Variants in CNTNAP2 observed in about 807,000 individuals in gnomAD.
The protein encoded by CNTNAP2 is contactin-associated protein-like 2.
CNTNAP2 carries 98 observed loss-of-function variants against 155.2 expected under a neutral mutation model. The observed-to-expected ratio is 0.63, with a 90% confidence interval of 0.54 to 0.75. CNTNAP2 has a LOEUF of 0.75. CNTNAP2 is among the 30% of genes least tolerant of loss of function. The probability of loss-of-function intolerance (pLI) is 0.00; values close to 1 mark genes in which losing one functional copy is unlikely to be tolerated. For synonymous variants in CNTNAP2, 651 were observed against 631.2 expected (o/e 1.03, Z -0.47); for missense variants, 1,727 against 1,688.1 (o/e 1.02, Z -0.40).
rs533206250 is a variant in CNTNAP2 at position 147,736,717 on chromosome 7, G to A, written c.2098+97411G>A. On this transcript the variant is annotated intron_variant, in intron 13 of 23. Transcript: ENST00000361727. ...GCCATATTTCTTGGAGGCTTTGTTC[G>A]TTTCTTTTTATTCTTTTTTCTCTAA... 2.2e-3 allele frequency among the ~76,000 whole-genome samples: 329 copies of A among 152,200 alleles called. 1 individual carries two copies. Among genetic ancestry groups the A allele is most frequent in the South Asian group, 5.4e-3 (26 of 4,828 alleles).
At chr7:147,155,991 A>G (rs1199404432) in intron 8 of CNTNAP2, among the ~76,000 whole-genome samples, 1 of 152,134 alleles carries the variant, frequency 6.6e-6, no homozygotes, top group African/African-American at 2.4e-5. Flanking sequence ...TGCATGGATT[A>G]AAGGACCATT....
chr7:146,968,658 C>G (rs1797712856), intron 3 of CNTNAP2, among the ~76,000 whole-genome samples: 4 of 151,610 alleles, frequency 2.6e-5, no homozygotes, highest in Admixed American at 2.6e-4. Context: ...GTGGTGATAT[C>G]CCCTTTATCA....
chr7:147,127,779 T>TAA (rs1015162919), intron 6 of CNTNAP2, among the ~76,000 whole-genome samples: 1 of 151,714 alleles, frequency 6.6e-6, no homozygotes, highest in African/African-American at 2.4e-5. Context: ...AAGCTGATAG[T>TAA]AAAAAAAATA....
intron 11 of CNTNAP2, among the ~76,000 whole-genome samples, chr7:147,546,420 G>A (rs1028560861): frequency 7.9e-5 from 12 of 152,120 alleles, no homozygotes; most frequent in Non-Finnish European, 1.3e-4. Context: ...TTCATTAAAA[G>A]CTGTTTATCA....
In CNTNAP2 at chr7:146,865,736, C is replaced by CA. The variant is rs1276641704; in HGVS notation, c.402+25838dup. Among the ~76,000 whole-genome samples, 4 of 151,932 alleles carry CA rather than the reference C, an allele frequency of 2.6e-5. No individual in the cohort carries two copies. The East Asian group carries it at 5.8e-4, about 22-fold the overall frequency. On this transcript the variant is annotated intron_variant, in intron 3 of 23. Transcript: ENST00000361727. Reference sequence around the variant, plus strand: ...TGGGATAATCAGCCATTTATTAGGACAAAAAAGTATTAGCCATAAAAATGA... The same window carrying CA: ...TGGGATAATCAGCCATTTATTAGGACAAAAAAAGTATTAGCCATAAAAATGA...
intron 1 of CNTNAP2, among the ~76,000 whole-genome samples, chr7:146,464,206 T>G (rs1486360635): frequency 2.5e-5 from 3 of 119,372 alleles, no homozygotes; most frequent in African/African-American, 1.3e-4. Context: ...TTTTTTTTTT[T>G]GGCTCTCTTT....
chr7:146,527,299 T>C (rs1169352925), intron 1 of CNTNAP2, among the ~76,000 whole-genome samples: 1 of 152,202 alleles, frequency 6.6e-6, no homozygotes, highest in African/African-American at 2.4e-5. Context: ...AGTAGTCACC[T>C]ACTTGTATTC....
At chr7:147,398,688 C>T (rs887737950) in intron 10 of CNTNAP2, among the ~76,000 whole-genome samples, 1 of 132,590 alleles carries the variant, frequency 7.5e-6, no homozygotes, top group Non-Finnish European at 1.5e-5. Context: ...AAGGAAAAAG[C>T]AAGCTTGCCA....
intron 11 of CNTNAP2, among the ~76,000 whole-genome samples, chr7:147,544,839 C>T (rs1799703068): frequency 6.6e-6 from 1 of 152,150 alleles, no homozygotes; most frequent in Non-Finnish European, 1.5e-5. Flanking sequence ...TTGCTTGGCT[C>T]TCATTCTCTC....
intron 1 of CNTNAP2, among the ~76,000 whole-genome samples, chr7:146,240,146 T>C (rs1169957842): frequency 1.3e-5 from 2 of 152,186 alleles, no homozygotes; most frequent in Admixed American, 1.3e-4. Flanking sequence ...GGTTTCACAT[T>C]TTCCTTTGGC....
chr7:147,978,387 A>G (rs1257199382), intron 15 of CNTNAP2, among the ~76,000 whole-genome samples: 1 of 152,182 alleles, frequency 6.6e-6, no homozygotes, highest in African/African-American at 2.4e-5. Flanking sequence ...TAGTAGCATT[A>G]TGGCTTAATG....
chr7:147,979,108 T>G (rs1801480354), intron 15 of CNTNAP2, among the ~76,000 whole-genome samples: 1 of 152,208 alleles, frequency 6.6e-6, no homozygotes. Context: ...GTTTCCTACT[T>G]AGTAAATTGA....
At chr7:146,837,911 A>G (rs999132440) in intron 2 of CNTNAP2, among the ~76,000 whole-genome samples, 2 of 151,838 alleles carry the variant, frequency 1.3e-5, no homozygotes, top group Non-Finnish European at 2.9e-5. Context: ...GCTCTGTGCA[A>G]CCTCTGGTTA....
At chr7:146,718,570 T>G (rs191834885) in intron 1 of CNTNAP2, among the ~76,000 whole-genome samples, 255 of 152,290 alleles carry the variant, frequency 1.7e-3, no homozygotes, top group African/African-American at 5.8e-3. Flanking sequence ...ATGAAATGAT[T>G]AAAAATAGTG....
At chr7:146,622,131 A>ATATATATACACACACACG (rs1799328636) in intron 1 of CNTNAP2, among the ~76,000 whole-genome samples, 1 of 23,388 alleles carries the variant, frequency 4.3e-5, no homozygotes, top group Non-Finnish European at 1.0e-4. Flanking sequence ...ATGTATGTGT[A>ATATATATACACACACACG]TATATATATA....
At chr7:146,355,413 CT>C (rs1794983911) in intron 1 of CNTNAP2, among the ~76,000 whole-genome samples, 1 of 152,136 alleles carries the variant, frequency 6.6e-6, no homozygotes, top group Admixed American at 6.5e-5. Context: ...ACCTTCTAGG[CT>C]TTATTTCATT....
intron 8 of CNTNAP2, among the ~76,000 whole-genome samples, chr7:147,280,439 C>T (rs371899670): frequency 4.6e-5 from 7 of 151,838 alleles, no homozygotes; most frequent in East Asian, 1.9e-4. Flanking sequence ...AACTCGTTTA[C>T]GAAAATGCCA....
chr7:146,705,937 C>T (rs560173307), intron 1 of CNTNAP2, among the ~76,000 whole-genome samples: 8 of 152,254 alleles, frequency 5.3e-5, no homozygotes, highest in Admixed American at 3.9e-4. Flanking sequence ...AGGATTTCCA[C>T]GTATGCATTT....
At position 147,120,981 on chromosome 7, in the gene CNTNAP2, A is replaced by G; in HGVS notation, c.757A>G (p.Ser253Gly). 1.2e-6 allele frequency: 2 copies of G among 1,613,532 alleles called. No homozygotes were observed. Among genetic ancestry groups the G allele is most frequent in the Non-Finnish European group, 1.7e-6 (2 of 1,179,904 alleles). ...CTTTTTCACTTCTGTGTACGCAGGA[A>G]GCAACCAGCTTGGCCCCATATATGG... ...AKLVLSLNLG[S>G]NQLGPIYGHT... The change falls in exon 6 of 24, where the codon AGC becomes GGC. Residue 253 changes from serine (S) to glycine (G), a missense_variant and splice_region_variant. Ser to Gly is a moderately conservative substitution (Grantham distance 56). Transcript: ENST00000361727.
Sources: gnomAD v4.1 joint callset for allele counts (sites outside exome capture counted in the v4.1 genomes callset) on GRCh38, gnomAD v4.1.1 for gene constraint, MANE v1.5 for transcripts, NCBI Gene and HGNC (gene_info 2026-07-23, HGNC 2026-07-21) for gene names.